The following GABRG3 variants were observed in gnomAD, a reference collection of about 807,000 sequenced individuals.
GABRG3 encodes the protein gamma-aminobutyric acid type A receptor subunit gamma3, also known as gamma-aminobutyric acid receptor subunit gamma-3.
A neutral mutation model predicts 48.8 loss-of-function variants in GABRG3; 25 were observed. The observed-to-expected ratio is 0.51, with a 90% CI of 0.37 to 0.72. The LOEUF is 0.72. Ranked by LOEUF, GABRG3 falls within the 30% of genes least tolerant of loss-of-function variation. The pLI is 0.00. For missense variants in GABRG3, 394 were observed against 577.9 expected (o/e 0.68, Z 3.26); for synonymous variants, 227 against 217.6 (o/e 1.04, Z -0.38).
intron 7 of GABRG3, 43 bp downstream of exon 7, chr15:27,520,167 A>G: frequency 6.6e-7 from 1 of 1,521,870 alleles, no homozygotes; most frequent in South Asian, 1.2e-5. Flanking sequence ...CGTAATTGTA[A>G]TATAGAAGCA....
intron 4 of GABRG3, 136 bp from the exon 5 acceptor site, chr15:27,328,670 C>T (rs111581810): frequency 7.6e-5 from 50 of 657,850 alleles, no homozygotes; most frequent in Middle Eastern, 2.9e-4. Flanking sequence ...GAATGGTTCC[C>T]GGGCCAAGAG....
intron 3 of GABRG3, among the ~76,000 whole-genome samples, chr15:27,098,670 T>C (rs1897306385): frequency 6.6e-6 from 1 of 152,166 alleles, no homozygotes; most frequent in South Asian, 2.1e-4. Context: ...CTAAGTCTAG[T>C]AGGACAAGCA....
chr15:27,124,070 G>T (rs1035764505), intron 3 of GABRG3, among the ~76,000 whole-genome samples: 3 of 152,198 alleles, frequency 2.0e-5, no homozygotes, highest in Non-Finnish European at 4.4e-5. Context: ...GAGGGCAGCG[G>T]TGAGGAGGTC....
intron 3 of GABRG3, among the ~76,000 whole-genome samples, chr15:27,035,489 T>G (rs1390590008): frequency 6.6e-6 from 1 of 151,750 alleles, no homozygotes; most frequent in Non-Finnish European, 1.5e-5. Context: ...TTCCTCATTC[T>G]TCACAATGTG....
At chr15:27,082,775 G>A (rs762677249) in intron 3 of GABRG3, among the ~76,000 whole-genome samples, 1 of 152,198 alleles carries the variant, frequency 6.6e-6, no homozygotes, top group East Asian at 1.9e-4. Context: ...AATGAAAGCC[G>A]CAGTAGACCC....
intron 5 of GABRG3, among the ~76,000 whole-genome samples, chr15:27,423,158 A>T (rs577640766): frequency 7.0e-6 from 1 of 141,952 alleles, no homozygotes; most frequent in Admixed American, 7.4e-5. Flanking sequence ...ATCAAGAGTT[A>T]TGCTTGTGCA....
At chr15:27,470,911 TTTG>T (rs890883749) in intron 5 of GABRG3, among the ~76,000 whole-genome samples, 84 of 121,462 alleles carry the variant, frequency 6.9e-4, no homozygotes, top group African/African-American at 3.1e-3. Flanking sequence ...GGCTGTTTTT[TTTG>T]TTTGTTTGTT....
intron 2 of GABRG3, among the ~76,000 whole-genome samples, chr15:27,003,984 A>ACC (rs1297517376): frequency 7.7e-6 from 1 of 130,038 alleles, no homozygotes; most frequent in Non-Finnish European, 1.6e-5. Flanking sequence ...CGGGGGGCTG[A>ACC]CCCCCCACCT....
At chr15:27,462,380 C>A (rs748465172) in intron 5 of GABRG3, among the ~76,000 whole-genome samples, 7 of 152,116 alleles carry the variant, frequency 4.6e-5, no homozygotes, top group Non-Finnish European at 1.0e-4. Flanking sequence ...CAATAAATAA[C>A]CGGAACTCTG....
intron 3 of GABRG3, among the ~76,000 whole-genome samples, chr15:27,049,636 T>G (rs1288130305): frequency 6.6e-6 from 1 of 152,182 alleles, no homozygotes; most frequent in Admixed American, 6.5e-5. Flanking sequence ...TTCCCTTATT[T>G]GAAGAGCAGG....
intron 3 of GABRG3, among the ~76,000 whole-genome samples, chr15:27,235,239 G>A (rs1043731731): frequency 6.6e-6 from 1 of 151,230 alleles, no homozygotes; most frequent in Non-Finnish European, 1.5e-5. Context: ...ACCAGAAAAA[G>A]GTGTAGTCAG....
intron 3 of GABRG3, among the ~76,000 whole-genome samples, chr15:27,261,916 C>G (rs540750769): frequency 6.6e-6 from 1 of 152,272 alleles, no homozygotes; most frequent in East Asian, 1.9e-4. Context: ...CCTCTGGGTT[C>G]CATTTTGGCT....
chr15:27,314,810 T>C (rs2140510085), intron 3 of GABRG3, among the ~76,000 whole-genome samples: 1 of 152,156 alleles, frequency 6.6e-6, no homozygotes, highest in East Asian at 1.9e-4. Context: ...CACAGAAAAA[T>C]AGTTAAAGCA....
intron 3 of GABRG3, among the ~76,000 whole-genome samples, chr15:27,138,543 C>G (rs1227210649): frequency 6.6e-6 from 1 of 152,184 alleles, no homozygotes; most frequent in Non-Finnish European, 1.5e-5. Context: ...CACATGAGTT[C>G]TGCATGCGGA....
chr15:27,032,208 G>A (rs745821677), intron 3 of GABRG3, among the ~76,000 whole-genome samples: 13 of 152,102 alleles, frequency 8.5e-5, no homozygotes, highest in Non-Finnish European at 1.6e-4. Context: ...TTTTCAGTTC[G>A]AAAATTTTAA....
chr15:27,495,793 T>G (rs574171568), intron 6 of GABRG3, among the ~76,000 whole-genome samples: 137 of 152,368 alleles, frequency 9.0e-4, no homozygotes, highest in African/African-American at 3.2e-3. Flanking sequence ...AAAATTCATG[T>G]AAAATTCCTC....
intron 5 of GABRG3, among the ~76,000 whole-genome samples, chr15:27,348,927 ATGTT>A (rs2140534234): frequency 6.6e-6 from 1 of 152,254 alleles, no homozygotes; most frequent in Non-Finnish European, 1.5e-5. Context: ...GATCACATAT[ATGTT>A]TGAGAAAAAT....
At chr15:27,409,279 C>A (rs1414467992) in intron 5 of GABRG3, among the ~76,000 whole-genome samples, 1 of 151,918 alleles carries the variant, frequency 6.6e-6, no homozygotes, top group African/African-American at 2.4e-5. Context: ...GCATGGCATG[C>A]AATATAGATT....
chr15:27,255,877 G>A (rs942533710), intron 3 of GABRG3, among the ~76,000 whole-genome samples: 4 of 150,264 alleles, frequency 2.7e-5, no homozygotes, highest in Non-Finnish European at 4.4e-5. Flanking sequence ...CTAGAAACGG[G>A]AAGAGCATGT....
Sources: allele counts gnomAD v4.1 joint callset (sites outside exome capture counted in the v4.1 genomes callset), GRCh38; gene constraint gnomAD v4.1.1; transcripts MANE v1.5; gene names NCBI Gene and HGNC (gene_info 2026-07-23, HGNC 2026-07-21).